The following RIMS2 variants were observed in gnomAD, a reference collection of about 807,000 sequenced individuals.
RIMS2 encodes the protein regulating synaptic membrane exocytosis 2.
Under a neutral mutation model 174.4 loss-of-function variants are expected in RIMS2, and 59 were observed. The observed-to-expected ratio is 0.34, with a 90% CI of 0.27 to 0.42. RIMS2 has a LOEUF of 0.42. Ranked by LOEUF, RIMS2 falls within the 10% of genes least tolerant of loss-of-function variation. RIMS2 has a pLI of 1.00. For synonymous variants in RIMS2, 606 were observed against 572.5 expected, an observed-to-expected ratio of 1.06 and a Z score of -0.84; for missense variants, 1,620 against 1,666.3, an observed-to-expected ratio of 0.97 and a Z score of 0.48.
At chr8:103,598,104 A>T (rs943225681) in intron 1 of RIMS2, among the ~76,000 whole-genome samples, 1 of 152,138 alleles carries the variant, frequency 6.6e-6, no homozygotes, top group Non-Finnish European at 1.5e-5. Flanking sequence ...CAACCACTTT[A>T]TATGTTTGTG....
intron 3 of RIMS2, among the ~76,000 whole-genome samples, chr8:103,817,119 G>T (rs2098722707): frequency 1.3e-5 from 2 of 152,138 alleles, no homozygotes; most frequent in African/African-American, 2.4e-5. Flanking sequence ...ACCTTTCAAA[G>T]GTGTGAAAAA....
chr8:103,688,676 GATTGGT>G (rs2096972689), intron 1 of RIMS2, among the ~76,000 whole-genome samples: 1 of 151,928 alleles, frequency 6.6e-6, no homozygotes, highest in African/African-American at 2.4e-5. Flanking sequence ...GTTTGAGAAG[GATTGGT>G]ATTAGTTCAT....
intron 19 of RIMS2, among the ~76,000 whole-genome samples, chr8:104,023,910 A>G (rs139270952): frequency 1.6e-3 from 247 of 152,338 alleles, no homozygotes; most frequent in Admixed American, 2.7e-3. Context: ...GGGACAAGTT[A>G]AGAAATTACT....
In RIMS2 at chr8:104,163,227, C is replaced by G. The variant is rs2098774771; in HGVS notation, c.3335-81689C>G. On this transcript the variant is annotated intron_variant, in intron 19 of 23. Transcript: ENST00000504942. Reference sequence around the variant, plus strand: ...GTGGACAAATTCTTCTAATATTATTCTAGGATGAAGTATTTTTTTAACTGA... The same window carrying G: ...GTGGACAAATTCTTCTAATATTATTGTAGGATGAAGTATTTTTTTAACTGA... Among the ~76,000 whole-genome samples, 3 of 152,154 alleles carry G rather than the reference C, an allele frequency of 2.0e-5. No individual in the cohort carries two copies. In the South Asian group the frequency reaches 6.2e-4, roughly 32 times the overall value.
chr8:103,950,450 G>A (rs2085083521), intron 14 of RIMS2, among the ~76,000 whole-genome samples: 1 of 152,046 alleles, frequency 6.6e-6, no homozygotes, highest in Non-Finnish European at 1.5e-5. Context: ...ATGACCAAAT[G>A]TTTTTTATAC....
At chr8:103,608,142 G>T (rs988978933) in intron 1 of RIMS2, among the ~76,000 whole-genome samples, 5 of 147,740 alleles carry the variant, frequency 3.4e-5, no homozygotes, top group Non-Finnish European at 7.5e-5. Flanking sequence ...ATCTACTTTT[G>T]GTCTTTGATG....
intron 1 of RIMS2, among the ~76,000 whole-genome samples, chr8:103,618,711 T>C (rs2095561801): frequency 6.6e-6 from 1 of 152,138 alleles, no homozygotes; most frequent in African/African-American, 2.4e-5. Context: ...CCTGTCATCT[T>C]CACACAGATG....
chr8:103,906,073 A>T (rs557444736), intron 4 of RIMS2, among the ~76,000 whole-genome samples: 33 of 152,286 alleles, frequency 2.2e-4, no homozygotes, highest in African/African-American at 7.7e-4. Context: ...AAAAATAAGA[A>T]TATCCAGTGG....
chr8:104,010,032 G>A (rs1178850021), intron 17 of RIMS2, among the ~76,000 whole-genome samples: 6 of 124,950 alleles, frequency 4.8e-5, no homozygotes, highest in Non-Finnish European at 1.0e-4. Context: ...ATGGACGGAC[G>A]GACGGATGAC....
chr8:103,911,094 C>A (rs986809250), intron 5 of RIMS2, among the ~76,000 whole-genome samples: 4 of 152,018 alleles, frequency 2.6e-5, no homozygotes, highest in African/African-American at 9.7e-5. Flanking sequence ...ATCATTGTTG[C>A]TCTTAGGATA....
chr8:103,957,143 CTGTT>C (rs779392931), intron 14 of RIMS2, among the ~76,000 whole-genome samples: 2 of 152,214 alleles, frequency 1.3e-5, no homozygotes, highest in African/African-American at 4.8e-5. Flanking sequence ...CGCTTTTACA[CTGTT>C]TGTGGGAGTG....
chr8:103,958,184 A>C (rs974782213), intron 14 of RIMS2, among the ~76,000 whole-genome samples: 12 of 152,254 alleles, frequency 7.9e-5, no homozygotes, highest in African/African-American at 2.9e-4. Flanking sequence ...TGGATAAAGA[A>C]AATGTGGTAC....
chr8:104,014,241 A>G (rs2095842937), intron 18 of RIMS2, among the ~76,000 whole-genome samples: 2 of 152,140 alleles, frequency 1.3e-5, no homozygotes, highest in South Asian at 2.1e-4. Context: ...TGGATAGAGT[A>G]CTAATTTACA....
chr8:104,031,377 C>A (rs946740463), intron 19 of RIMS2, among the ~76,000 whole-genome samples: 19 of 151,914 alleles, frequency 1.3e-4, no homozygotes, highest in Admixed American at 1.0e-3. Flanking sequence ...TAAGAAAAGA[C>A]CTTGTCAAAC....
chr8:103,686,087 G>A (rs185357777), intron 1 of RIMS2, among the ~76,000 whole-genome samples: 3 of 151,556 alleles, frequency 2.0e-5, no homozygotes, highest in African/African-American at 4.8e-5. Context: ...TTTATTTTTC[G>A]CTGCTGTTGC....
intron 19 of RIMS2, among the ~76,000 whole-genome samples, chr8:104,168,498 T>C (rs1056427766): frequency 6.6e-6 from 1 of 152,142 alleles, no homozygotes; most frequent in Non-Finnish European, 1.5e-5. Flanking sequence ...TGTTACTAAT[T>C]TGAGTACCTT....
At chr8:103,666,253 G>A (rs906277456) in intron 1 of RIMS2, among the ~76,000 whole-genome samples, 1 of 152,210 alleles carries the variant, frequency 6.6e-6, no homozygotes, top group Non-Finnish European at 1.5e-5. Context: ...CTGAAACTCA[G>A]TGATTGGTAC....
chr8:103,558,291 G>C (rs1484060768), intron 1 of RIMS2, among the ~76,000 whole-genome samples: 1 of 151,962 alleles, frequency 6.6e-6, no homozygotes, highest in African/African-American at 2.4e-5. Flanking sequence ...CGTGACTCTC[G>C]GCTCACTGCA....
chr8:103,580,019 C>A (rs2093510925), intron 1 of RIMS2, among the ~76,000 whole-genome samples: 1 of 152,092 alleles, frequency 6.6e-6, no homozygotes, highest in Non-Finnish European at 1.5e-5. Context: ...CCAATCACCT[C>A]CCATCAGGTC....
Sources: gnomAD v4.1 joint callset for allele counts (sites outside exome capture counted in the v4.1 genomes callset) on GRCh38, gnomAD v4.1.1 for gene constraint, MANE v1.5 for transcripts, NCBI Gene and HGNC (gene_info 2026-07-23, HGNC 2026-07-21) for gene names.